The following SAMSN1 variants were observed in gnomAD, a reference collection of about 807,000 sequenced individuals.
SAMSN1 encodes the protein SAM domain-containing protein SAMSN-1.
SAMSN1 carries 31 observed loss-of-function variants against 42.0 expected under a neutral mutation model. The ratio of observed to expected loss-of-function variants is 0.74; its 90% CI spans 0.55 to 1.00. The LOEUF (loss-of-function observed/expected upper bound fraction) is 1.00. Ranked by LOEUF, SAMSN1 falls within the 50% of genes least tolerant of loss-of-function variation. The probability of loss-of-function intolerance (pLI) is 0.00; values close to 1 mark genes in which losing one functional copy is unlikely to be tolerated. For missense variants in SAMSN1, 464 were observed against 439.4 expected (o/e 1.06, Z -0.50); for synonymous variants, 178 against 151.9 (o/e 1.17, Z -1.26).
intron 2 of SAMSN1, among the ~76,000 whole-genome samples, chr21:14,570,912 C>T (rs1378210940): frequency 6.6e-6 from 1 of 152,154 alleles, no homozygotes; most frequent in Non-Finnish European, 1.5e-5. Context: ...ACAGCATAAC[C>T]TGTAAGACCA....
intron 6 of SAMSN1, among the ~76,000 whole-genome samples, chr21:14,600,843 G>T (rs368922331): frequency 6.6e-6 from 1 of 152,134 alleles, no homozygotes; most frequent in Non-Finnish European, 1.5e-5. Context: ...AGCTGTGCTT[G>T]TGCAAGTCTT....
upstream of SAMSN1, chr21:14,583,521 T>C: frequency 1.7e-6 from 1 of 595,510 alleles, no homozygotes. Context: ...TTAAAATAAC[T>C]TGGCAATAAA....
chr21:14,587,727 G>T (rs419430), upstream of SAMSN1, among the ~76,000 whole-genome samples: 110,949 of 151,310 alleles, frequency 0.73, 40,953 homozygotes, highest in Admixed American at 0.77. Context: ...CAATTTTTTT[G>T]TTGTTTTATC....
chr21:14,548,411 T>C (rs74585934), upstream of SAMSN1, among the ~76,000 whole-genome samples: 82 of 152,294 alleles, frequency 5.4e-4, 1 homozygote, highest in East Asian at 0.015. Context: ...TATAATACAG[T>C]GCTAAAGAAT....
chr21:14,569,253 C>T (rs1388391970), intron 2 of SAMSN1, among the ~76,000 whole-genome samples: 2 of 152,172 alleles, frequency 1.3e-5, no homozygotes, highest in African/African-American at 4.8e-5. Context: ...TGTGACCGCA[C>T]TACTGCAGTG....
intron 2 of SAMSN1, among the ~76,000 whole-genome samples, chr21:14,562,174 G>A (rs1980967343): frequency 6.6e-6 from 1 of 152,224 alleles, no homozygotes; most frequent in African/African-American, 2.4e-5. Context: ...AAGCAAGAGA[G>A]GGACACAGTT....
intron 2 of SAMSN1, among the ~76,000 whole-genome samples, chr21:14,578,292 C>T (rs138801557): frequency 2.6e-4 from 40 of 152,148 alleles, no homozygotes; most frequent in African/African-American, 9.6e-4. Flanking sequence ...CACACTCTGC[C>T]GGCAATGTCG....
At chr21:14,623,157 G>T (rs1401811587) in intron 2 of SAMSN1, among the ~76,000 whole-genome samples, 1 of 152,182 alleles carries the variant, frequency 6.6e-6, no homozygotes. Context: ...ACCAGCCACT[G>T]CAAAAACATG....
chr21:14,514,394 C>T (rs1394460088), intron 3 of SAMSN1, among the ~76,000 whole-genome samples: 2 of 152,166 alleles, frequency 1.3e-5, no homozygotes, highest in South Asian at 2.1e-4. Context: ...TAACCATGAC[C>T]TGATTTCCAC....
At chr21:14,584,827 C>T (rs1349405383), upstream of SAMSN1, among the ~76,000 whole-genome samples, 1 of 152,298 alleles carries the variant, frequency 6.6e-6, no homozygotes, top group East Asian at 1.9e-4. Context: ...TATAATAATG[C>T]TTTCCAATCC....
At chr21:14,620,476 C>G (rs549533451) in intron 2 of SAMSN1, among the ~76,000 whole-genome samples, 1 of 152,272 alleles carries the variant, frequency 6.6e-6, no homozygotes, top group African/African-American at 2.4e-5. Context: ...GACTATGAGT[C>G]CATTAAACCT....
intron 3 of SAMSN1, among the ~76,000 whole-genome samples, chr21:14,516,485 G>A (rs943487994): frequency 2.6e-5 from 4 of 152,082 alleles, no homozygotes; most frequent in Admixed American, 6.6e-5. Context: ...CCCGCCTCCC[G>A]GGTTCAAGCG....
At chr21:14,569,984 TCCC>T (rs5842490) in intron 2 of SAMSN1, among the ~76,000 whole-genome samples, 3 of 149,658 alleles carry the variant, frequency 2.0e-5, no homozygotes, top group African/African-American at 7.4e-5. Flanking sequence ...TTAACCACTT[TCCC>T]CCCCCCCAGT....
intron 2 of SAMSN1, among the ~76,000 whole-genome samples, chr21:14,568,556 A>G (rs759850079): frequency 7.2e-5 from 11 of 152,280 alleles, no homozygotes; most frequent in Middle Eastern, 3.4e-3. Flanking sequence ...ATTCCTTCAT[A>G]AAGTTGATCC....
intron 1 of SAMSN1, among the ~76,000 whole-genome samples, chr21:14,545,209 G>A (rs1036549824): frequency 1.3e-5 from 2 of 152,030 alleles, no homozygotes; most frequent in Non-Finnish European, 2.9e-5. Flanking sequence ...AACTTGGATG[G>A]TAACTTCCAA....
chr21:14,643,586 G>GTT (rs1285742383), intron 1 of SAMSN1, among the ~76,000 whole-genome samples: 1 of 152,166 alleles, frequency 6.6e-6, no homozygotes, highest in Non-Finnish European at 1.5e-5. Context: ...TAAAGTAGCA[G>GTT]TTTCAATGGC....
At chr21:14,538,033 T>C (rs907197197) in intron 1 of SAMSN1, among the ~76,000 whole-genome samples, 7 of 152,216 alleles carry the variant, frequency 4.6e-5, no homozygotes, top group African/African-American at 1.7e-4. Context: ...TATGTTTGCA[T>C]TATAGTTTAT....
At chr21:14,611,211 G>A (rs1370064214) in intron 4 of SAMSN1, among the ~76,000 whole-genome samples, 2 of 151,966 alleles carry the variant, frequency 1.3e-5, no homozygotes, top group African/African-American at 2.4e-5. Context: ...TGTGTAGAAA[G>A]AACATTGGGC....
Position 14,521,051 on chromosome 21 carries a change from A to G in SAMSN1, c.129+99T>C, listed in dbSNP as rs1978431996. The G allele has an allele frequency of 8.1e-6, 6 of 737,898 alleles. No homozygotes were observed. The South Asian group carries it at 9.0e-5, about 11-fold the overall frequency. The allele number at this position is 737,898 out of a possible 1,614,324, so 45.7% of individuals were successfully genotyped here. ...ATGCAAGGCTATAATTTTAAAATGT[A>G]TTCATTTTTCTTATTTTACTTTGCA... On this transcript the variant is annotated intron_variant, in intron 2 of 7. Coordinates refer to ENST00000400566, the MANE Select transcript of SAMSN1 (RefSeq NM_022136.5).
Sources: gnomAD v4.1 joint callset for allele counts (sites outside exome capture counted in the v4.1 genomes callset) on GRCh38, gnomAD v4.1.1 for gene constraint, MANE v1.5 for transcripts, NCBI Gene and HGNC (gene_info 2026-07-23, HGNC 2026-07-21) for gene names.